Variants in GRID2 observed in about 807,000 individuals in gnomAD.
GRID2 encodes the protein glutamate ionotropic receptor delta type subunit 2, also known as glutamate receptor ionotropic, delta-2.
GRID2 carries 33 observed loss-of-function variants against 114.8 expected under a neutral mutation model. The ratio of observed to expected loss-of-function variants is 0.29; its 90% confidence interval spans 0.22 to 0.38. GRID2 has a LOEUF of 0.38. GRID2 is among the 10% of genes least tolerant of loss of function. GRID2 has a pLI of 1.00. For missense variants in GRID2, 1,184 were observed against 1,257.7 expected (o/e 0.94, Z 0.89); for synonymous variants, 505 against 449.9 (o/e 1.12, Z -1.55).
At chr4:92,411,766 C>T (rs1374995848) in intron 1 of GRID2, among the ~76,000 whole-genome samples, 1 of 150,372 alleles carries the variant, frequency 6.7e-6, no homozygotes, top group African/African-American at 2.5e-5. Flanking sequence ...AGTGCAGTGG[C>T]GCGATCTCAG....
At chr4:92,825,069 A>G (rs1333936766) in intron 2 of GRID2, among the ~76,000 whole-genome samples, 1 of 152,144 alleles carries the variant, frequency 6.6e-6, no homozygotes, top group East Asian at 1.9e-4. Flanking sequence ...ACTAACATAT[A>G]TCTGCCCATT....
intron 13 of GRID2, among the ~76,000 whole-genome samples, chr4:93,571,525 G>A (rs992073744): frequency 1.3e-5 from 2 of 151,894 alleles, no homozygotes; most frequent in African/African-American, 4.8e-5. Context: ...GTATAGAAAG[G>A]GTTAGGCCCT....
chr4:92,545,483 G>A (rs922794119), intron 1 of GRID2, among the ~76,000 whole-genome samples: 49 of 152,086 alleles, frequency 3.2e-4, no homozygotes, highest in African/African-American at 1.2e-3. Flanking sequence ...AAAACGTCAG[G>A]TTGATTCTTT....
intron 13 of GRID2, among the ~76,000 whole-genome samples, chr4:93,623,145 A>G (rs1742365682): frequency 6.6e-6 from 1 of 152,064 alleles, no homozygotes; most frequent in Non-Finnish European, 1.5e-5. Flanking sequence ...TTATGATGGC[A>G]GATGATTCTT....
chr4:92,642,167 G>A (rs1731386805), intron 2 of GRID2, among the ~76,000 whole-genome samples: 1 of 151,540 alleles, frequency 6.6e-6, no homozygotes, highest in South Asian at 2.1e-4. Context: ...GCCTAGTAAT[G>A]GGAATGCTAG....
intron 2 of GRID2, among the ~76,000 whole-genome samples, chr4:92,689,231 C>T (rs1734064372): frequency 6.6e-6 from 1 of 152,196 alleles, no homozygotes. Flanking sequence ...TGAGCTTTGA[C>T]ACCAACTTAA....
At chr4:93,272,300 G>A (rs1751547436) in intron 8 of GRID2, among the ~76,000 whole-genome samples, 1 of 152,062 alleles carries the variant, frequency 6.6e-6, no homozygotes, top group Admixed American at 6.6e-5. Context: ...ATGTCAGGTG[G>A]CAAACTTTGT....
intron 8 of GRID2, among the ~76,000 whole-genome samples, 156 bp from the exon 9 acceptor site, chr4:93,395,451 A>G (rs1560576236): frequency 6.6e-6 from 1 of 151,986 alleles, no homozygotes; most frequent in South Asian, 2.1e-4. Context: ...TGGCATATCT[A>G]ATAACTTCAT....
rs1035847450 is a variant in GRID2, at chr4:93,412,555, A to G, written c.1348-10216A>G. On this transcript the variant is annotated intron_variant, in intron 9 of 15. Transcript: ENST00000282020. Reference sequence around the variant, plus strand: ...CAATTATTAGATGAGATAATATAAAAAATTTACAGCCTTTCACTTTTATTT... The same window carrying G: ...CAATTATTAGATGAGATAATATAAAGAATTTACAGCCTTTCACTTTTATTT... Among the ~76,000 whole-genome samples, 4 of 152,154 alleles carry G rather than the reference A, an allele frequency of 2.6e-5. No homozygotes were observed. In the East Asian group the frequency reaches 7.7e-4, roughly 29 times the overall value.
At chr4:93,468,874 A>G (rs1033160575) in intron 11 of GRID2, among the ~76,000 whole-genome samples, 1 of 152,174 alleles carries the variant, frequency 6.6e-6, no homozygotes, top group Non-Finnish European at 1.5e-5. Flanking sequence ...CAAAAAATGT[A>G]GATTTGTATC....
rs867152810 is a variant in GRID2 at position 93,678,331 on chromosome 4, G to C, written c.2360+51896G>C. 1.2e-4 allele frequency among the ~76,000 whole-genome samples: 19 copies of C among 152,260 alleles called. No homozygotes were observed. The Middle Eastern group carries it at 0.014, about 109-fold the overall frequency. On this transcript the variant is annotated intron_variant, in intron 14 of 15. Transcript: ENST00000282020. ...GTACCTGAAAGTGACTGGGAGAATG[G>C]AACCAAGTTGGAAAACACTCTGCAG... is the stretch of plus-strand genomic sequence containing the variant.
chr4:92,605,833 A>T (rs866791733), intron 2 of GRID2, among the ~76,000 whole-genome samples: 1 of 152,052 alleles, frequency 6.6e-6, no homozygotes, highest in Non-Finnish European at 1.5e-5. Flanking sequence ...TACCTAAATC[A>T]GCTTTGGTTC....
At chr4:92,536,247 G>A (rs1408596160) in intron 1 of GRID2, among the ~76,000 whole-genome samples, 1 of 152,104 alleles carries the variant, frequency 6.6e-6, no homozygotes, top group African/African-American at 2.4e-5. Flanking sequence ...CCTTTAACTA[G>A]ACAGAAAAGT....
intron 3 of GRID2, among the ~76,000 whole-genome samples, chr4:93,107,062 G>T (rs1732305420): frequency 6.6e-6 from 1 of 152,140 alleles, no homozygotes; most frequent in Admixed American, 6.5e-5. Context: ...CACTTTGGGA[G>T]GCCGAGGCAG....
chr4:93,099,472 T>A (rs1041259587), intron 3 of GRID2, among the ~76,000 whole-genome samples: 1 of 151,900 alleles, frequency 6.6e-6, no homozygotes, highest in African/African-American at 2.4e-5. Context: ...CACTGTAATT[T>A]GTTAAACTAA....
At chr4:92,918,537 A>C (rs1334247530) in intron 2 of GRID2, among the ~76,000 whole-genome samples, 1 of 152,112 alleles carries the variant, frequency 6.6e-6, no homozygotes, top group Admixed American at 6.6e-5. Context: ...TCAATACCGA[A>C]TTTATGGAGA....
intron 13 of GRID2, among the ~76,000 whole-genome samples, chr4:93,616,107 G>GT (rs1210582401): frequency 6.6e-6 from 1 of 151,966 alleles, no homozygotes; most frequent in African/African-American, 2.4e-5. Flanking sequence ...AAATCCTCAA[G>GT]TTTTTCTGCA....
intron 2 of GRID2, among the ~76,000 whole-genome samples, chr4:92,947,619 C>T (rs1469349824): frequency 6.6e-6 from 1 of 151,670 alleles, no homozygotes; most frequent in Non-Finnish European, 1.5e-5. Context: ...CAAATGTCTA[C>T]TTCCTGAAAG....
At chr4:92,472,580 A>G (rs982870876) in intron 1 of GRID2, among the ~76,000 whole-genome samples, 1 of 152,140 alleles carries the variant, frequency 6.6e-6, no homozygotes, top group Non-Finnish European at 1.5e-5. Context: ...CCACATCTTC[A>G]TCAATACTGG....
Sources: allele counts gnomAD v4.1 joint callset (sites outside exome capture counted in the v4.1 genomes callset), GRCh38; gene constraint gnomAD v4.1.1; transcripts MANE v1.5; gene names NCBI Gene and HGNC (gene_info 2026-07-23, HGNC 2026-07-21).